SLC30A8: variants seen among roughly 807,000 people sequenced by gnomAD.
The protein encoded by SLC30A8 is proton-coupled zinc antiporter SLC30A8.
SLC30A8 carries 27 observed loss-of-function variants against 36.9 expected under a neutral mutation model. That is an observed-to-expected ratio of 0.73 (90% CI 0.54 to 1.01). SLC30A8 has a LOEUF of 1.01. Among genes scored for constraint, SLC30A8 ranks in the 50% least tolerant of loss-of-function variants. SLC30A8 has a pLI of 0.00. For synonymous variants in SLC30A8, 164 were observed against 172.4 expected (o/e 0.95, Z 0.38); for missense variants, 439 against 452.0 (o/e 0.97, Z 0.26).
chr8:117,025,038 T>G (rs1816832651), intron 1 of SLC30A8, among the ~76,000 whole-genome samples: 2 of 152,204 alleles, frequency 1.3e-5, no homozygotes, highest in South Asian at 4.1e-4. Flanking sequence ...ATTTTTCTAC[T>G]GAAGCCCAAA....
chr8:117,031,450 TTTCTTC>T (rs370579828), intron 1 of SLC30A8, among the ~76,000 whole-genome samples: 2 of 149,562 alleles, frequency 1.3e-5, no homozygotes, highest in Non-Finnish European at 2.9e-5. Flanking sequence ...TTCTTTCTTC[TTTCTTC>T]TTCTTCTTTT....
At chr8:117,035,905 G>A (rs947420309) in intron 1 of SLC30A8, among the ~76,000 whole-genome samples, 7 of 152,160 alleles carry the variant, frequency 4.6e-5, no homozygotes, top group Non-Finnish European at 1.0e-4. Flanking sequence ...TTGGACTCAG[G>A]GTGCTATGTC....
rs1491401226 is a variant in SLC30A8 at position 117,097,527 on chromosome 8, T to TCA, written c.-225-37753_-225-37752insCA. Among the ~76,000 whole-genome samples, 17 of 113,650 alleles carry TCA rather than the reference T, an allele frequency of 1.5e-4. 6 individuals carry two copies. Among genetic ancestry groups the TCA allele is most frequent in the African/African-American group, 5.4e-4 (16 of 29,522 alleles). The allele number at this position is 113,650 out of a possible 152,430, so 74.6% of individuals were successfully genotyped here. A position where few individuals can be genotyped will look rare whatever the true frequency, so the allele number is the denominator to read the frequency against. ...AATATATAATTTTAAATAATATATA[T>TCA]TATATATAATATATAATTTTAAATA... On this transcript the variant is annotated intron_variant, in intron 2 of 10. Coordinates refer to the SLC30A8 transcript ENST00000427715.
intron 2 of SLC30A8, among the ~76,000 whole-genome samples, chr8:117,052,499 T>C (rs555031364): frequency 2.0e-4 from 31 of 152,242 alleles, no homozygotes; most frequent in Non-Finnish European, 4.0e-4. Context: ...TTTAACACAG[T>C]ATTCTGAATT....
At chr8:117,151,607 A>T (rs1253123512) in intron 2 of SLC30A8, among the ~76,000 whole-genome samples, 7 of 152,198 alleles carry the variant, frequency 4.6e-5, no homozygotes, top group Admixed American at 1.3e-4. Flanking sequence ...CTCCTGCCTC[A>T]GCTGAGACTG....
chr8:117,051,194 T>C (rs894032792), intron 2 of SLC30A8, among the ~76,000 whole-genome samples: 1 of 152,218 alleles, frequency 6.6e-6, no homozygotes, highest in African/African-American at 2.4e-5. Flanking sequence ...TACTATAGTT[T>C]TATTATTTTG....
At chr8:117,083,822 G>T (rs1818759630) in intron 2 of SLC30A8, among the ~76,000 whole-genome samples, 1 of 152,110 alleles carries the variant, frequency 6.6e-6, no homozygotes, top group African/African-American at 2.4e-5. Context: ...GAGATTTGGA[G>T]ATAATTTGCC....
intron 2 of SLC30A8, among the ~76,000 whole-genome samples, chr8:117,059,689 C>T (rs1817973886): frequency 6.6e-6 from 1 of 152,186 alleles, no homozygotes; most frequent in Non-Finnish European, 1.5e-5. Context: ...GTGGATAAAT[C>T]TCAAAAGTTA....
intron 2 of SLC30A8, among the ~76,000 whole-genome samples, chr8:117,122,902 A>T (rs547821802): frequency 5.9e-5 from 9 of 152,054 alleles, no homozygotes; most frequent in African/African-American, 2.2e-4. Flanking sequence ...TTGCTTCCCA[A>T]ATCATGATGG....
intron 2 of SLC30A8, among the ~76,000 whole-genome samples, chr8:117,059,705 A>G (rs1817974229): frequency 6.6e-6 from 1 of 152,182 alleles, no homozygotes; most frequent in Admixed American, 6.5e-5. Context: ...AGTTAGGTTG[A>G]ATTCATTTGT....
At chr8:116,975,682 G>A (rs1814972946) in intron 1 of SLC30A8, among the ~76,000 whole-genome samples, 1 of 152,194 alleles carries the variant, frequency 6.6e-6, no homozygotes, top group African/African-American at 2.4e-5. Context: ...AAATGAGCTT[G>A]CGCAAGAATT....
At chr8:117,172,492 C>G in intron 7 of SLC30A8, 44 bp from the exon 8 acceptor site, 1 of 1,612,744 alleles carries the variant, frequency 6.2e-7, no homozygotes. Flanking sequence ...GTCGCCCATG[C>G]GTGTGCAATC....
chr8:117,016,511 C>A (rs1816524949), intron 1 of SLC30A8, among the ~76,000 whole-genome samples: 1 of 152,192 alleles, frequency 6.6e-6, no homozygotes, highest in South Asian at 2.1e-4. Context: ...TCTCAAGTCT[C>A]TCATTTCTCC....
At chr8:117,055,493 G>T (rs553189825) in intron 2 of SLC30A8, among the ~76,000 whole-genome samples, 92 of 152,308 alleles carry the variant, frequency 6.0e-4, no homozygotes, top group African/African-American at 2.1e-3. Context: ...ACCAGCGGGG[G>T]CCCTTCTCCA....
intron 2 of SLC30A8, among the ~76,000 whole-genome samples, chr8:117,104,221 T>C (rs2130864267): frequency 6.6e-6 from 1 of 152,326 alleles, no homozygotes; most frequent in African/African-American, 2.4e-5. Flanking sequence ...GGTTCTGGTT[T>C]ATTTTTTGCT....
intron 2 of SLC30A8, among the ~76,000 whole-genome samples, chr8:117,043,284 C>G (rs1489679540): frequency 6.6e-6 from 1 of 152,200 alleles, no homozygotes; most frequent in African/African-American, 2.4e-5. Context: ...ACATTGGATC[C>G]AGACCCTCCA....
intron 1 of SLC30A8, among the ~76,000 whole-genome samples, chr8:116,957,528 C>T (rs1024213869): frequency 6.6e-6 from 1 of 152,144 alleles, no homozygotes; most frequent in African/African-American, 2.4e-5. Context: ...GCCTTGGCCT[C>T]CCGAAGTGCT....
chr8:117,160,963 A>G (rs756879247), intron 4 of SLC30A8, among the ~76,000 whole-genome samples: 3 of 152,276 alleles, frequency 2.0e-5, no homozygotes, highest in African/African-American at 4.8e-5. Context: ...GTTAGCTGTC[A>G]GTGAAAATGT....
At chr8:117,105,222 C>G (rs759076960) in intron 2 of SLC30A8, among the ~76,000 whole-genome samples, 6 of 152,110 alleles carry the variant, frequency 3.9e-5, no homozygotes, top group Non-Finnish European at 5.9e-5. Context: ...TGGAGTTGCT[C>G]TGGTTCAAAC....
Sources: gnomAD v4.1 joint callset for allele counts (sites outside exome capture counted in the v4.1 genomes callset) on GRCh38, gnomAD v4.1.1 for gene constraint, MANE v1.5 for transcripts, NCBI Gene and HGNC (gene_info 2026-07-23, HGNC 2026-07-21) for gene names.